Variants in LYST observed in about 807,000 individuals in gnomAD.
LYST encodes the protein lysosomal-trafficking regulator.
In LYST, 192 loss-of-function variants were observed where a neutral mutation model predicts 413.6. The ratio of observed to expected loss-of-function variants is 0.46; its 90% CI spans 0.41 to 0.52. LYST has a LOEUF of 0.52. Among genes scored for constraint, LYST ranks in the 20% least tolerant of loss-of-function variants. LYST has a pLI of 0.00. For missense variants in LYST, 3,815 were observed against 4,499.9 expected (o/e 0.85, Z 4.35); for synonymous variants, 1,525 against 1,567.3 (o/e 0.97, Z 0.64).
At chr1:235,753,411 G>A in intron 25 of LYST, 137 bp from the exon 26 acceptor site, 1 of 624,914 alleles carries the variant, frequency 1.6e-6, no homozygotes. Context: ...TTCTTAACCT[G>A]TTTTTAAAAT....
At chr1:235,795,474 G>C (rs1025183497) in intron 10 of LYST, among the ~76,000 whole-genome samples, 2 of 152,180 alleles carry the variant, frequency 1.3e-5, no homozygotes, top group South Asian at 4.1e-4. Flanking sequence ...AGAAAGGGAT[G>C]CCTTTTTTCT....
intron 1 of LYST, among the ~76,000 whole-genome samples, chr1:235,864,288 TTTTTC>T (rs1356295898): frequency 1.3e-5 from 2 of 152,162 alleles, no homozygotes; most frequent in Non-Finnish European, 2.9e-5. Context: ...ATTGAATATT[TTTTTC>T]TTTAAAAACG....
At chr1:235,752,653 A>G (rs1224507544) in intron 26 of LYST, among the ~76,000 whole-genome samples, 3 of 152,038 alleles carry the variant, frequency 2.0e-5, no homozygotes, top group Non-Finnish European at 4.4e-5. Context: ...AAAAGAGGTA[A>G]TAGATTTGCA....
At chr1:235,745,214 C>T (rs1305113007) in intron 29 of LYST, among the ~76,000 whole-genome samples, 2 of 152,040 alleles carry the variant, frequency 1.3e-5, no homozygotes, top group African/African-American at 2.4e-5. Context: ...ACATAGTTAC[C>T]ACTTTTTTTT....
chr1:235,866,514 C>T (rs1031209940), intron 1 of LYST, among the ~76,000 whole-genome samples: 1 of 152,210 alleles, frequency 6.6e-6, no homozygotes, highest in African/African-American at 2.4e-5. Flanking sequence ...CTCGACCTCG[C>T]CCCCCGCGCG....
chr1:235,788,006 T>C (rs1405158708), intron 13 of LYST, among the ~76,000 whole-genome samples: 1 of 152,172 alleles, frequency 6.6e-6, no homozygotes, highest in Admixed American at 6.5e-5. Context: ...CGCTATTAAA[T>C]ATATAATGCA....
chr1:235,781,694 GAC>G (rs1285826920), intron 15 of LYST, among the ~76,000 whole-genome samples: 1 of 151,894 alleles, frequency 6.6e-6, no homozygotes, highest in Non-Finnish European at 1.5e-5. Flanking sequence ...TCAATTGTAA[GAC>G]ACAACTAGAT....
At position 235,744,114 on chromosome 1, in the gene LYST, A is replaced by G. The variant is rs1490130771; in HGVS notation, c.8016T>C (p.Asn2672=). The part of the protein sequence containing the change: ...DIIDILRTPE[N]VTQSKTSVFQ... The stretch of plus-strand genomic sequence containing the variant: ...AAACTGAGGTCTTGCTTTGAGTTAC[A>G]TTTTCTGGAGTTCTCAAAATGTCAA... The change falls in exon 30 of 53, where the codon AAT becomes AAC. Residue 2672 remains asparagine, a synonymous_variant. Coordinates refer to ENST00000389793, the MANE Select transcript of LYST (RefSeq NM_000081.4). The G allele has an allele frequency of 1.9e-6, 3 of 1,600,984 alleles. No individual in the cohort carries two copies. The highest frequency in any genetic ancestry group is 2.6e-6 in the Non-Finnish European group (3 of 1,168,406).
intron 1 of LYST, among the ~76,000 whole-genome samples, chr1:235,862,936 T>A (rs565559579): frequency 6.6e-6 from 1 of 152,126 alleles, no homozygotes; most frequent in East Asian, 1.9e-4. Context: ...AAATGAGGTG[T>A]TGCCTGATTC....
rs774318110 is a variant in LYST at position 235,716,795 on chromosome 1, A to G, written c.9561-17T>C. 6 of 1,450,576 alleles carry G rather than the reference A, an allele frequency of 4.1e-6. No homozygotes were observed. Among genetic ancestry groups the G allele is most frequent in the Non-Finnish European group, 4.8e-6 (5 of 1,031,708 alleles). 89.9% of individuals were successfully genotyped at this position (1,450,576 alleles called of 1,614,324 possible). ...GAGAGATTTCTGCAAGAAAAGGACA[A>G]TTTTAAAAATTAAATATTTTGATAC... On this transcript the variant is annotated splice_polypyrimidine_tract_variant and intron_variant, in intron 40 of 52. Transcript: ENST00000389793.
At chr1:235,756,763 C>T (rs1667088754) in intron 24 of LYST, among the ~76,000 whole-genome samples, 3 of 151,948 alleles carry the variant, frequency 2.0e-5, no homozygotes, top group Admixed American at 2.0e-4. Flanking sequence ...AAGATAATTA[C>T]AAGACATAAA....
At chr1:235,726,144 T>C (rs182125090) in intron 38 of LYST, among the ~76,000 whole-genome samples, 66 of 152,252 alleles carry the variant, frequency 4.3e-4, no homozygotes, top group African/African-American at 1.2e-3. Flanking sequence ...TTTAAAAAAA[T>C]TGCATTTACT....
intron 1 of LYST, among the ~76,000 whole-genome samples, chr1:235,837,733 T>C (rs1676727039): frequency 6.6e-6 from 1 of 151,768 alleles, no homozygotes; most frequent in African/African-American, 2.4e-5. Flanking sequence ...TTTCAAAGAA[T>C]GGTCTTGGTG....
chr1:235,793,070 T>TA (rs1337129306), intron 11 of LYST, among the ~76,000 whole-genome samples: 1 of 152,204 alleles, frequency 6.6e-6, no homozygotes, highest in Non-Finnish European at 1.5e-5. Context: ...ATGGGTTTCC[T>TA]AGCAGATAAT....
intron 1 of LYST, among the ~76,000 whole-genome samples, chr1:235,866,029 C>T (rs140561328): frequency 2.6e-4 from 39 of 152,174 alleles, no homozygotes; most frequent in Non-Finnish European, 4.1e-4. Context: ...GGATGTTTTG[C>T]TATGTTTTGT....
In LYST at chr1:235,686,919, A is replaced by T; in HGVS notation, c.10800+30T>A. On this transcript the variant is annotated intron_variant, in intron 48 of 52. Coordinates refer to ENST00000389793, the MANE Select transcript of LYST (RefSeq NM_000081.4). The surrounding 1 kb of genome is among the most constrained non-coding windows in gnomAD (Gnocchi z 4.0). ...TTCTTCCCCTCATTGACAAAGTCCC[A>T]TACTACCCACACAGAAGCCCAGAAC... is the stretch of plus-strand genomic sequence containing the variant. 6.5e-7 allele frequency: 1 copy of T among 1,527,674 alleles called. No individual in the cohort carries two copies. Among genetic ancestry groups the T allele is most frequent in the Non-Finnish European group, 9.1e-7 (1 of 1,100,986 alleles). The allele number at this position is 1,527,674 out of a possible 1,614,324, so 94.6% of individuals were successfully genotyped here.
At chr1:235,786,807 C>A (rs1056238205) in intron 14 of LYST, among the ~76,000 whole-genome samples, 1 of 149,218 alleles carries the variant, frequency 6.7e-6, no homozygotes, top group Non-Finnish European at 1.5e-5. Flanking sequence ...GGACAAAAAA[C>A]CAAACACCGC....
chr1:235,780,412 A>T (rs1030702197), intron 16 of LYST, among the ~76,000 whole-genome samples: 1 of 152,032 alleles, frequency 6.6e-6, no homozygotes, highest in African/African-American at 2.4e-5. Context: ...TCTTAAAAAA[A>T]AAAATAAAAA....
chr1:235,697,368 T>C (rs1558127141), intron 45 of LYST, 96 bp from the exon 46 acceptor site: 1 of 883,972 alleles, frequency 1.1e-6, no homozygotes, highest in Non-Finnish European at 1.8e-6. Context: ...GAGAAAGTAA[T>C]ATGGATTATA....
Sources: allele counts gnomAD v4.1 joint callset (sites outside exome capture counted in the v4.1 genomes callset), GRCh38; gene constraint gnomAD v4.1.1; non-coding constraint Gnocchi (gnomAD v3.1); transcripts MANE v1.5; gene names NCBI Gene and HGNC (gene_info 2026-07-23, HGNC 2026-07-21).